The following EFTUD2 variants were observed in gnomAD, a reference collection of about 807,000 sequenced individuals.
EFTUD2 encodes the protein elongation factor Tu GTP binding domain containing 2.
A neutral mutation model predicts 114.3 loss-of-function variants in EFTUD2; 9 were observed. The ratio of observed to expected loss-of-function variants is 0.08; its 90% CI spans 0.05 to 0.14. The LOEUF (loss-of-function observed/expected upper bound fraction) is 0.14. Ranked by LOEUF, EFTUD2 falls within the 10% of genes least tolerant of loss-of-function variation. EFTUD2 has a pLI of 1.00. For missense variants in EFTUD2, 765 were observed against 1,241.2 expected, an observed-to-expected ratio of 0.62 and a Z score of 5.76; for synonymous variants, 449 against 462.3, an observed-to-expected ratio of 0.97 and a Z score of 0.37.
intron 14 of EFTUD2, 31 bp downstream of exon 14, chr17:44,864,899 C>CA (rs749663536): frequency 8.7e-5 from 139 of 1,604,690 alleles, no homozygotes; most frequent in Admixed American, 1.2e-4. Context: ...ACGAGGATGA[C>CA]AGAGTTAAGG....
Position 44,867,843 on chromosome 17 carries a change from C to T in EFTUD2, c.1113G>A (p.Glu371=), listed in dbSNP as rs2050777671. 2 of 1,605,820 alleles carry T rather than the reference C, an allele frequency of 1.2e-6. No individual in the cohort carries two copies. The highest frequency in any genetic ancestry group is 2.2e-5 in the East Asian group (1 of 44,734). Residue 371 remains glutamate, a synonymous_variant, in exon 13 of 28, where the codon GAG becomes GAA. Coordinates refer to ENST00000426333, the MANE Select transcript of EFTUD2 (RefSeq NM_004247.4). ...PTSSSQRSFV[E]FILEPLYKIL... is the part of the protein sequence containing the mutation. ...TCTTATAAAGAGGCTCCAAGATAAA[C>T]TCCACGAAACTTCTCTGGGAGCTGC...
At chr17:44,853,891 T>TCTG in intron 23 of EFTUD2, 6 of 1,381,184 alleles carry the variant, frequency 4.3e-6, no homozygotes, top group Non-Finnish European at 5.6e-6. Context: ...ATTTCCTTCT[T>TCTG]CTGCACATAT....
intron 16 of EFTUD2, 27 bp downstream of exon 16, chr17:44,862,686 T>C: frequency 6.2e-7 from 1 of 1,600,428 alleles, no homozygotes; most frequent in South Asian, 1.1e-5. Context: ...CACCAAGGCA[T>C]ACTCCTGGGG....
In EFTUD2 at chr17:44,856,758, CA is replaced by C. The variant is rs551023404; in HGVS notation, c.2045+316del. On this transcript the variant is annotated intron_variant, in intron 20 of 27. Coordinates refer to ENST00000426333, the MANE Select transcript of EFTUD2 (RefSeq NM_004247.4). ...GTTGAGGCTGCACTCCAGCCTGTGT[CA>C]AAAAAAAAAAAAACAAAAAAACAAA... Among the ~76,000 whole-genome samples, 467 of 124,732 alleles carry C rather than the reference CA, an allele frequency of 3.7e-3. 1 individual carries two copies. Among genetic ancestry groups the C allele is most frequent in the African/African-American group, 9.1e-3 (327 of 35,784 alleles). The allele number at this position is 124,732 out of a possible 152,430, so 81.8% of individuals were successfully genotyped here. A position where few individuals can be genotyped will look rare whatever the true frequency, so the allele number is the denominator to read the frequency against.
chr17:44,865,156 G>A, intron 13 of EFTUD2, 91 bp from the exon 14 acceptor site: 2 of 1,533,246 alleles, frequency 1.3e-6, no homozygotes, highest in Non-Finnish European at 1.8e-6. Flanking sequence ...AATATCTGAA[G>A]AACTCCTTCA....
At chr17:44,897,147 C>T (rs1208371053) in intron 1 of EFTUD2, among the ~76,000 whole-genome samples, 5 of 138,138 alleles carry the variant, frequency 3.6e-5, no homozygotes, top group South Asian at 4.7e-4. Context: ...ACCCAGGAGG[C>T]GGAGCTTGCA....
chr17:44,881,899 T>C, intron 6 of EFTUD2, 177 bp from the exon 7 acceptor site: 1 of 604,690 alleles, frequency 1.7e-6, no homozygotes, highest in Non-Finnish European at 3.0e-6. Flanking sequence ...CCCTCCCAGC[T>C]GGAAATGCTC....
At chr17:44,893,896 T>C (rs1047998739) in intron 2 of EFTUD2, among the ~76,000 whole-genome samples, 1 of 146,970 alleles carries the variant, frequency 6.8e-6, no homozygotes, top group African/African-American at 2.5e-5. Flanking sequence ...TGAAACCCTG[T>C]CTCTACTAAA....
intron 14 of EFTUD2, among the ~76,000 whole-genome samples, chr17:44,864,702 C>T (rs2050714916): frequency 6.6e-6 from 1 of 152,166 alleles, no homozygotes; most frequent in Non-Finnish European, 1.5e-5. Flanking sequence ...TTGAACACTC[C>T]TCCTGGCAGG....
rs372270626 is a variant in EFTUD2, at chr17:44,853,279, C to T, written c.2561+17G>A. 2.5e-5 allele frequency: 41 copies of T among 1,612,820 alleles called. No homozygotes were observed. The highest frequency in any genetic ancestry group is 6.7e-5 in the African/African-American group (5 of 74,994). On this transcript the variant is annotated intron_variant, in intron 25 of 27. Coordinates refer to ENST00000426333, the MANE Select transcript of EFTUD2 (RefSeq NM_004247.4). ...CTTGCTCTCAGCACTCTCCCTAATA[C>T]GCCTGGGGCCGCTCACCTGCGCCTG...
At chr17:44,896,471 C>T (rs762403420) in intron 1 of EFTUD2, among the ~76,000 whole-genome samples, 4 of 152,024 alleles carry the variant, frequency 2.6e-5, no homozygotes, top group Non-Finnish European at 5.9e-5. Context: ...CACAGTGAAA[C>T]CCCGTCTCTA....
chr17:44,879,767 C>G, intron 8 of EFTUD2, 129 bp from the exon 9 acceptor site: 2 of 849,002 alleles, frequency 2.4e-6, no homozygotes, highest in Admixed American at 2.1e-5. Context: ...TCGCCATAAC[C>G]CCCCACAGGG....
chr17:44,863,467 G>A (rs1597798489), intron 15 of EFTUD2, 188 bp downstream of exon 15: 1 of 689,000 alleles, frequency 1.5e-6, no homozygotes, highest in Non-Finnish European at 2.3e-6. Context: ...CAGGAAATGT[G>A]AGTAATGTTC....
rs958043419 is a variant in EFTUD2, at chr17:44,859,893, C to T, written c.1860+12G>A. The T allele has an allele frequency of 1.7e-5, 28 of 1,613,984 alleles. No individual in the cohort carries two copies. Among genetic ancestry groups the T allele is most frequent in the Non-Finnish European group, 2.4e-5 (28 of 1,180,020 alleles). On this transcript the variant is annotated intron_variant, in intron 18 of 27. Transcript: ENST00000426333. Reference sequence around the variant, plus strand: ...AGTGGGGCTTGGCGGCTGCTGCAGGCCATGGGCATACCTTGGTGGTGAGGG... The same window carrying T: ...AGTGGGGCTTGGCGGCTGCTGCAGGTCATGGGCATACCTTGGTGGTGAGGG...
chr17:44,857,920 C>CTTTTTTTTTTTTTTTT (rs528299306), intron 19 of EFTUD2, among the ~76,000 whole-genome samples: 1 of 127,496 alleles, frequency 7.8e-6, no homozygotes, highest in African/African-American at 3.1e-5. Context: ...TTTCTTTTTC[C>CTTTTTTTTTTTTTTTT]TTTTTTTTTT....
At chr17:44,889,240 T>C (rs1004846952) in intron 2 of EFTUD2, among the ~76,000 whole-genome samples, 4 of 152,122 alleles carry the variant, frequency 2.6e-5, no homozygotes, top group African/African-American at 9.7e-5. Context: ...AGTGGTGACC[T>C]TGACAAGAGC....
intron 19 of EFTUD2, among the ~76,000 whole-genome samples, chr17:44,858,394 CCTGA>C (rs1459410545): frequency 6.6e-6 from 1 of 152,014 alleles, no homozygotes; most frequent in African/African-American, 2.4e-5. Context: ...AGCCACCACA[CCTGA>C]CTAATTTTTA....
chr17:44,886,698 G>C lies in EFTUD2; in HGVS notation c.158C>G (p.Pro53Arg), dbSNP rs564906314. 2 of 1,614,148 alleles carry C rather than the reference G, an allele frequency of 1.2e-6. No homozygotes were observed. The highest frequency in any genetic ancestry group is 2.7e-5 in the African/African-American group (2 of 75,036). The change falls in exon 3 of 28, where the codon CCT becomes CGT. Residue 53 changes from proline (P) to arginine (R), a missense_variant. By Grantham distance (103) the Pro-to-Arg change is moderately radical. Coordinates refer to ENST00000426333, the MANE Select transcript of EFTUD2 (RefSeq NM_004247.4). ...DDVGDHDDDH[P>R]GMEVVLHEDK... ...CTCATGCAGCACCACCTCCATCCCA[G>C]GGTGGTCATCGTCATGATCTCCTAC...
intron 9 of EFTUD2, among the ~76,000 whole-genome samples, chr17:44,877,623 T>C (rs1215721174): frequency 1.3e-5 from 2 of 151,944 alleles, no homozygotes; most frequent in South Asian, 2.1e-4. Flanking sequence ...CTGACCGACA[T>C]GGTGAAACCC....
Sources: gnomAD v4.1 joint callset for allele counts (sites outside exome capture counted in the v4.1 genomes callset) on GRCh38, gnomAD v4.1.1 for gene constraint, MANE v1.5 for transcripts, NCBI Gene and HGNC (gene_info 2026-07-23, HGNC 2026-07-21) for gene names.